STK24: variants seen among roughly 807,000 people sequenced by gnomAD.
STK24 encodes the protein serine/threonine-protein kinase 24.
In STK24, 21 loss-of-function variants were observed where a neutral mutation model predicts 55.6. The observed-to-expected ratio is 0.38, with a 90% confidence interval of 0.27 to 0.54. STK24 has a LOEUF of 0.54. Ranked by LOEUF, STK24 falls within the 20% of genes least tolerant of loss-of-function variation. The pLI, the probability that STK24 is intolerant of heterozygous loss-of-function variation, is 0.79. For missense variants in STK24, 383 were observed against 538.4 expected (o/e 0.71, Z 2.86); for synonymous variants, 200 against 215.2 (o/e 0.93, Z 0.62).
At chr13:98,551,460 T>C (rs1897158990) in intron 1 of STK24, among the ~76,000 whole-genome samples, 1 of 151,996 alleles carries the variant, frequency 6.6e-6, no homozygotes, top group South Asian at 2.1e-4. Flanking sequence ...TTTTTTTTTT[T>C]TTCTTAGCAC....
At chr13:98,574,527 G>C (rs1293235004) in intron 1 of STK24, among the ~76,000 whole-genome samples, 2 of 152,050 alleles carry the variant, frequency 1.3e-5, no homozygotes, top group Non-Finnish European at 2.9e-5. Context: ...ATGTGCTGTT[G>C]TTTTTCTTTT....
intron 9 of STK24, among the ~76,000 whole-genome samples, 194 bp from the exon 10 acceptor site, chr13:98,457,498 C>A (rs577701454): frequency 7.5e-6 from 1 of 132,470 alleles, no homozygotes; most frequent in African/African-American, 2.9e-5. Flanking sequence ...GAGACGGAGT[C>A]TGGCTTTGTT....
intron 3 of STK24, among the ~76,000 whole-genome samples, chr13:98,477,510 T>C (rs978860380): frequency 1.3e-5 from 2 of 151,898 alleles, no homozygotes; most frequent in Non-Finnish European, 2.9e-5. Context: ...CCATCTCTAC[T>C]AAAAACACAG....
chr13:98,538,778 C>T (rs1451199618), intron 1 of STK24, among the ~76,000 whole-genome samples: 1 of 152,192 alleles, frequency 6.6e-6, no homozygotes, highest in Non-Finnish European at 1.5e-5. Flanking sequence ...TGCCGCCTGA[C>T]CTCCTAGGTT....
chr13:98,572,530 A>T (rs1423544285), intron 1 of STK24, among the ~76,000 whole-genome samples: 1 of 152,182 alleles, frequency 6.6e-6, no homozygotes, highest in Non-Finnish European at 1.5e-5. Flanking sequence ...TTCATTTCCC[A>T]GACTCCCAGA....
intron 1 of STK24, chr13:98,522,140 A>C: frequency 8.3e-7 from 1 of 1,205,770 alleles, no homozygotes; most frequent in Non-Finnish European, 1.0e-6. Flanking sequence ...CTTGTCAACC[A>C]CGCCCTCCCC....
chr13:98,483,114 T>C (rs1894662880), intron 2 of STK24, among the ~76,000 whole-genome samples: 1 of 152,212 alleles, frequency 6.6e-6, no homozygotes, highest in South Asian at 2.1e-4. Flanking sequence ...CCCGCAAACC[T>C]GTCCGCCCTC....
chr13:98,485,121 A>G (rs560608090), intron 2 of STK24, among the ~76,000 whole-genome samples: 2 of 152,338 alleles, frequency 1.3e-5, no homozygotes, highest in South Asian at 2.1e-4. Flanking sequence ...GTCACCGCCC[A>G]GTGGGTTCAC....
At chr13:98,524,673 T>C (rs568745547) in intron 1 of STK24, among the ~76,000 whole-genome samples, 2 of 152,336 alleles carry the variant, frequency 1.3e-5, no homozygotes, top group African/African-American at 4.8e-5. Context: ...TGGTTTCTTA[T>C]ACAACAACAG....
Position 98,517,905 on chromosome 13 carries a change from G to C in STK24, c.273+1338C>G, listed in dbSNP as rs7331181. Among the ~76,000 whole-genome samples the C allele has an allele frequency of 7.0e-3, 1,073 of 152,322 alleles. 12 individuals are homozygous for C. The highest frequency in any genetic ancestry group is 0.024 in the African/African-American group (1,011 of 41,562). On this transcript the variant is annotated intron_variant, in intron 2 of 10. Coordinates refer to ENST00000539966, the MANE Select transcript of STK24 (RefSeq NM_001032296.4). ...AAATGCTACCAAGGAAGGAAAATAC[G>C]CATTAAGTACCTACTACATGTCAAG...
intron 1 of STK24, among the ~76,000 whole-genome samples, chr13:98,571,998 C>T (rs924445357): frequency 2.6e-5 from 4 of 152,226 alleles, no homozygotes; most frequent in African/African-American, 9.6e-5. Context: ...CGGCTGTCTA[C>T]AGATGCAAGG....
chr13:98,475,824 T>C (rs1487121198), intron 3 of STK24, among the ~76,000 whole-genome samples: 1 of 152,224 alleles, frequency 6.6e-6, no homozygotes, highest in Non-Finnish European at 1.5e-5. Context: ...AGCCAGGATC[T>C]GTCCTAACAT....
At chr13:98,556,546 T>C (rs1272841107) in intron 1 of STK24, among the ~76,000 whole-genome samples, 1 of 144,074 alleles carries the variant, frequency 6.9e-6, no homozygotes, top group East Asian at 2.0e-4. Context: ...AAAAAATCAC[T>C]GTAACACAAT....
rs1277544342 is a variant in STK24 at position 98,576,811 on chromosome 13, G to C, written c.-25C>G. ...TGGCGCTCAGGACGGCCACTTCCTG[G>C]GACGGGACGGCCGGGCCGCGACGAT... On this transcript the variant is annotated 5_prime_UTR_variant, in exon 1 of 11. Coordinates refer to ENST00000539966, the MANE Select transcript of STK24 (RefSeq NM_001032296.4). 1.1e-5 allele frequency: 14 copies of C among 1,318,790 alleles called. No individual in the cohort carries two copies. The highest frequency in any genetic ancestry group is 1.4e-5 in the Non-Finnish European group (14 of 1,029,248). 81.7% of individuals were successfully genotyped at this position (1,318,790 alleles called of 1,614,324 possible).
chr13:98,509,784 C>T (rs1387601109), intron 2 of STK24, among the ~76,000 whole-genome samples: 2 of 152,180 alleles, frequency 1.3e-5, no homozygotes, highest in African/African-American at 2.4e-5. Flanking sequence ...CGAGAACTTA[C>T]AGAGCCCCAC....
At chr13:98,479,043 G>C (rs1200187289) in intron 3 of STK24, among the ~76,000 whole-genome samples, 1 of 152,164 alleles carries the variant, frequency 6.6e-6, no homozygotes, top group Non-Finnish European at 1.5e-5. Context: ...CCTGACACGC[G>C]GGAGGCACAC....
At chr13:98,519,206 G>T in intron 2 of STK24, 37 bp downstream of exon 2, 1 of 1,556,418 alleles carries the variant, frequency 6.4e-7, no homozygotes, top group Non-Finnish European at 8.9e-7. Context: ...TCAGCCAAGT[G>T]CTGCAGAACG....
intron 2 of STK24, among the ~76,000 whole-genome samples, chr13:98,484,306 A>G (rs1352508121): frequency 6.6e-6 from 1 of 152,198 alleles, no homozygotes; most frequent in Admixed American, 6.5e-5. Context: ...GCTTTTCCCT[A>G]AGAGAGCTGG....
rs1893241191 is a variant in STK24 at position 98,452,350 on chromosome 13, ATAAT to A, written c.*819_*822del. Reference sequence around the variant, plus strand: ...GCTTCATGGGGAGAAACTGAAAATTATAATTTAAAGCTTCATGAGGCAAGATATG... The same window carrying A: ...GCTTCATGGGGAGAAACTGAAAATTATTAAAGCTTCATGAGGCAAGATATG... On this transcript the variant is annotated 3_prime_UTR_variant, in exon 11 of 11. Coordinates refer to ENST00000539966, the MANE Select transcript of STK24 (RefSeq NM_001032296.4). 1 of 152,640 alleles carries A rather than the reference ATAAT, an allele frequency of 6.6e-6. No individual in the cohort carries two copies. The highest frequency in any genetic ancestry group is 2.1e-4 in the South Asian group (1 of 4,830). 9.5% of individuals were successfully genotyped at this position (152,640 alleles called of 1,614,324 possible).
Sources: allele counts gnomAD v4.1 joint callset (sites outside exome capture counted in the v4.1 genomes callset), GRCh38; gene constraint gnomAD v4.1.1; transcripts MANE v1.5; gene names NCBI Gene and HGNC (gene_info 2026-07-23, HGNC 2026-07-21).